The following ZFHX3 variants were observed in gnomAD, a reference collection of about 807,000 sequenced individuals.
ZFHX3 encodes zinc finger homeobox 3, also known as zinc finger homeobox protein 3.
In ZFHX3, 42 loss-of-function variants were observed where a neutral mutation model predicts 279.1. The observed-to-expected ratio is 0.15, with a 90% CI of 0.12 to 0.19. The LOEUF is 0.19. Among genes scored for constraint, ZFHX3 ranks in the 10% least tolerant of loss-of-function variants. ZFHX3 has a pLI of 1.00. For synonymous variants in ZFHX3, 2,293 were observed against 1,957.8 expected (o/e 1.17, Z -4.52); for missense variants, 4,981 against 4,754.0 (o/e 1.05, Z -1.40).
intron 6 of ZFHX3, among the ~76,000 whole-genome samples, chr16:73,139,308 A>G (rs1966840176): frequency 6.6e-6 from 1 of 152,222 alleles, no homozygotes; most frequent in Non-Finnish European, 1.5e-5. Context: ...GACAGTATAC[A>G]TACTATGATA....
intron 1 of ZFHX3, among the ~76,000 whole-genome samples, chr16:73,752,346 A>G (rs1357594941): frequency 6.6e-6 from 1 of 152,140 alleles, no homozygotes; most frequent in East Asian, 1.9e-4. Flanking sequence ...CTGAAACCCA[A>G]CTAGGATTAT....
At chr16:73,547,311 A>C (rs1271952958) in intron 2 of ZFHX3, among the ~76,000 whole-genome samples, 1 of 152,226 alleles carries the variant, frequency 6.6e-6, no homozygotes, top group East Asian at 1.9e-4. Flanking sequence ...GAAGAAAGAA[A>C]GAAAGAAAAA....
intron 8 of ZFHX3, among the ~76,000 whole-genome samples, chr16:73,068,952 C>T (rs1156381195): frequency 6.6e-6 from 1 of 152,224 alleles, no homozygotes; most frequent in East Asian, 1.9e-4. Flanking sequence ...GGCCTCCATG[C>T]GCACTGCGGG....
At chr16:73,242,425 G>C (rs1382119292) in intron 5 of ZFHX3, among the ~76,000 whole-genome samples, 1 of 152,152 alleles carries the variant, frequency 6.6e-6, no homozygotes, top group African/African-American at 2.4e-5. Flanking sequence ...GAAAGACTTG[G>C]TGCTACATCA....
intron 1 of ZFHX3, among the ~76,000 whole-genome samples, chr16:72,992,031 G>A (rs1367432769): frequency 2.0e-5 from 3 of 152,196 alleles, no homozygotes; most frequent in Non-Finnish European, 2.9e-5. Flanking sequence ...AGAAACAACA[G>A]AAATGATGCC....
At chr16:73,250,860 G>A (rs2013465503) in intron 5 of ZFHX3, among the ~76,000 whole-genome samples, 1 of 152,066 alleles carries the variant, frequency 6.6e-6, no homozygotes, top group Admixed American at 6.5e-5. Flanking sequence ...TTTAATATGT[G>A]AATTGTTAGA....
intron 4 of ZFHX3, among the ~76,000 whole-genome samples, chr16:72,885,300 G>T (rs1204775970): frequency 6.6e-6 from 1 of 152,258 alleles, no homozygotes; most frequent in African/African-American, 2.4e-5. Context: ...CACTGGTGCA[G>T]GGCAGGACTT....
intron 7 of ZFHX3, chr16:73,093,786 G>A (rs1256857843): frequency 1.4e-5 from 4 of 284,300 alleles, no homozygotes; most frequent in Non-Finnish European, 2.8e-5. Flanking sequence ...TCCATTCCTC[G>A]TCTTAAATGA....
rs1555514731 is a variant in ZFHX3 at position 72,786,362 on chromosome 16, C to CTT, written c.*800_*801dup. 6.7e-6 allele frequency: 1 copy of CTT among 149,054 alleles called. No individual in the cohort carries two copies. The highest frequency in any genetic ancestry group is 1.5e-5 in the Non-Finnish European group (1 of 67,426). The allele number at this position is 149,054 out of a possible 1,614,324, so 9.2% of individuals were successfully genotyped here. On this transcript the variant is annotated 3_prime_UTR_variant, in exon 10 of 10. Coordinates refer to ENST00000268489, the MANE Select transcript of ZFHX3 (RefSeq NM_006885.4). ...AAATACAGAAAGTCAGTTTTTAAAA[C>CTT]TTATTTTTTTTAAGCTACAAGTCCT...
intron 2 of ZFHX3, among the ~76,000 whole-genome samples, chr16:73,476,251 G>A (rs1448423200): frequency 6.6e-6 from 1 of 151,732 alleles, no homozygotes; most frequent in East Asian, 1.9e-4. Flanking sequence ...ATATTTTAAC[G>A]TAAAGTTTTT....
intron 2 of ZFHX3, among the ~76,000 whole-genome samples, chr16:73,644,267 C>T (rs1407429158): frequency 1.3e-5 from 2 of 152,138 alleles, no homozygotes; most frequent in South Asian, 4.1e-4. Context: ...GGGCATAGTT[C>T]CCTGCACATC....
intron 1 of ZFHX3, among the ~76,000 whole-genome samples, chr16:73,876,087 T>C (rs2029937585): frequency 6.6e-6 from 1 of 152,160 alleles, no homozygotes; most frequent in South Asian, 2.1e-4. Context: ...TAAAAGGAGC[T>C]AAAGCCACAG....
At chr16:73,606,245 C>CGCCTGTAA (rs2052181570) in intron 2 of ZFHX3, among the ~76,000 whole-genome samples, 1 of 142,860 alleles carries the variant, frequency 7.0e-6, no homozygotes, top group African/African-American at 2.6e-5. Context: ...TGGTGGCTCA[C>CGCCTGTAA]GCCTGTAATC....
rs574867782 is a variant in ZFHX3 at position 73,388,080 on chromosome 16, G to GA, written c.-1291+67922dup. Among the ~76,000 whole-genome samples the GA allele has an allele frequency of 2.9e-4, 44 of 152,206 alleles. 1 individual carries two copies. Among genetic ancestry groups the GA allele is most frequent in the Middle Eastern group, 6.8e-3 (2 of 294 alleles). ...AGAAACCTCTATTTAGAGATGATTG[G>GA]AAAAAATCAGTGCCACACAGTGCAC... On this transcript the variant is annotated intron_variant, in intron 3 of 17. Coordinates refer to the ZFHX3 transcript ENST00000641206.
intron 7 of ZFHX3, among the ~76,000 whole-genome samples, chr16:73,095,839 G>C (rs1346143233): frequency 6.6e-6 from 1 of 152,234 alleles, no homozygotes; most frequent in Non-Finnish European, 1.5e-5. Flanking sequence ...GGTGGGTGGA[G>C]GGGGAAAAGA....
chr16:73,395,498 C>T (rs1376722040), intron 3 of ZFHX3, among the ~76,000 whole-genome samples: 1 of 151,718 alleles, frequency 6.6e-6, no homozygotes. Context: ...ATCTGGCCCC[C>T]ATGCCAAGAG....
chr16:72,866,384 A>C (rs930131172), intron 4 of ZFHX3, among the ~76,000 whole-genome samples: 4 of 152,240 alleles, frequency 2.6e-5, no homozygotes, highest in Non-Finnish European at 5.9e-5. Flanking sequence ...AAAAGAATTG[A>C]GGCTCAAGAA....
At chr16:73,452,683 G>A (rs1355653098) in intron 3 of ZFHX3, among the ~76,000 whole-genome samples, 1 of 152,168 alleles carries the variant, frequency 6.6e-6, no homozygotes, top group Non-Finnish European at 1.5e-5. Flanking sequence ...AAATGTGGGT[G>A]GGCCTTCCAT....
At chr16:72,809,206 CCA>C (rs957403353) in intron 7 of ZFHX3, 1 of 152,154 alleles carries the variant, frequency 6.6e-6, no homozygotes, top group African/African-American at 2.4e-5. Flanking sequence ...CTAATGTAAA[CCA>C]GTCATGTAGA....
Sources: gnomAD v4.1 joint callset for allele counts (sites outside exome capture counted in the v4.1 genomes callset) on GRCh38, gnomAD v4.1.1 for gene constraint, MANE v1.5 for transcripts, NCBI Gene and HGNC (gene_info 2026-07-23, HGNC 2026-07-21) for gene names.